The following CSMD3 variants were observed in gnomAD, a reference collection of about 807,000 sequenced individuals.
CSMD3 encodes CUB and sushi domain-containing protein 3.
A neutral mutation model predicts 435.2 loss-of-function variants in CSMD3; 177 were observed. The observed-to-expected ratio is 0.41, with a 90% CI of 0.36 to 0.46. The LOEUF is 0.46. Among genes scored for constraint, CSMD3 ranks in the 20% least tolerant of loss-of-function variants. The pLI is 0.34. For missense variants in CSMD3, 4,265 were observed against 4,504.6 expected, an observed-to-expected ratio of 0.95 and a Z score of 1.52; for synonymous variants, 1,656 against 1,520.5, an observed-to-expected ratio of 1.09 and a Z score of -2.07.
intron 22 of CSMD3, among the ~76,000 whole-genome samples, chr8:112,597,295 C>T (rs1403960381): frequency 1.3e-5 from 2 of 152,112 alleles, no homozygotes. Flanking sequence ...TCAACATATA[C>T]ACCCTCCCAA....
At chr8:112,539,844 A>G (rs974104071) in intron 27 of CSMD3, among the ~76,000 whole-genome samples, 1 of 152,096 alleles carries the variant, frequency 6.6e-6, no homozygotes, top group Non-Finnish European at 1.5e-5. Flanking sequence ...GTTCTGGCAA[A>G]TATTTTTTGC....
chr8:112,675,992 T>A (rs1275604335), intron 16 of CSMD3, among the ~76,000 whole-genome samples: 2 of 151,708 alleles, frequency 1.3e-5, no homozygotes, highest in East Asian at 3.9e-4. Context: ...AAGAAAGGAG[T>A]CAGGAAAGAT....
intron 23 of CSMD3, among the ~76,000 whole-genome samples, chr8:112,577,267 A>G (rs1214767393): frequency 6.6e-6 from 1 of 152,108 alleles, no homozygotes; most frequent in Non-Finnish European, 1.5e-5. Context: ...AAAGGCAACA[A>G]AGGGAGAAAG....
intron 27 of CSMD3, among the ~76,000 whole-genome samples, chr8:112,527,130 C>A (rs2131049496): frequency 6.6e-6 from 1 of 151,784 alleles, no homozygotes; most frequent in Non-Finnish European, 1.5e-5. Flanking sequence ...TATAAGTAGT[C>A]TAATGGTTAA....
intron 5 of CSMD3, among the ~76,000 whole-genome samples, chr8:113,024,440 CT>C (rs1332599272): frequency 2.6e-5 from 4 of 151,906 alleles, no homozygotes; most frequent in Admixed American, 1.3e-4. Context: ...GTTCTTCAAC[CT>C]ATTAACTTCA....
At position 112,300,015 on chromosome 8, in the gene CSMD3, G is replaced by C. The variant is rs548038638; in HGVS notation, c.8440+1778C>G. 2.3e-3 allele frequency among the ~76,000 whole-genome samples: 351 copies of C among 149,982 alleles called. 3 individuals are homozygous for C. The highest frequency in any genetic ancestry group is 8.2e-3 in the African/African-American group (336 of 41,038). The stretch of plus-strand genomic sequence containing the variant: ...TAATACACAATAACAATTCATGAGA[G>C]CACATGGCCATAAAATATAGTATTT... On this transcript the variant is annotated intron_variant, in intron 53 of 70. Coordinates refer to ENST00000297405, the MANE Select transcript of CSMD3 (RefSeq NM_198123.2).
At chr8:112,257,564 GA>G (rs1223739822) in intron 61 of CSMD3, among the ~76,000 whole-genome samples, 1 of 152,042 alleles carries the variant, frequency 6.6e-6, no homozygotes, top group Non-Finnish European at 1.5e-5. Flanking sequence ...CCTAGGAATA[GA>G]ACTTACAAGG....
intron 19 of CSMD3, among the ~76,000 whole-genome samples, chr8:112,648,998 T>A (rs2075054573): frequency 6.6e-6 from 1 of 152,202 alleles, no homozygotes; most frequent in Admixed American, 6.5e-5. Context: ...GGAAGAGCTC[T>A]CCTTCCTCTC....
chr8:112,791,964 C>A (rs1228742451), intron 13 of CSMD3, among the ~76,000 whole-genome samples: 2 of 152,136 alleles, frequency 1.3e-5, no homozygotes, highest in Admixed American at 1.3e-4. Context: ...ACCTTAATAA[C>A]AATGATGTTG....
chr8:112,416,765 G>A (rs1352871970), intron 32 of CSMD3, among the ~76,000 whole-genome samples: 1 of 151,784 alleles, frequency 6.6e-6, no homozygotes, highest in Non-Finnish European at 1.5e-5. Context: ...TTTCTCAGAG[G>A]GGAATAATTC....
At chr8:112,500,070 C>T (rs552236633) in intron 30 of CSMD3, among the ~76,000 whole-genome samples, 1 of 152,158 alleles carries the variant, frequency 6.6e-6, no homozygotes, top group South Asian at 2.1e-4. Context: ...GATCGCACCA[C>T]TGCACCCCAG....
intron 13 of CSMD3, among the ~76,000 whole-genome samples, chr8:112,796,237 T>C (rs546390948): frequency 6.6e-6 from 1 of 152,266 alleles, no homozygotes; most frequent in Non-Finnish European, 1.5e-5. Flanking sequence ...GTTGCAACTA[T>C]ATTCTGCAAT....
chr8:112,594,746 T>C (rs982833703), intron 22 of CSMD3, among the ~76,000 whole-genome samples: 105 of 152,136 alleles, frequency 6.9e-4, no homozygotes, highest in African/African-American at 2.2e-3. Context: ...CACCCCCCAG[T>C]AGGGGCACAC....
intron 1 of CSMD3, among the ~76,000 whole-genome samples, chr8:113,399,883 T>C (rs915277084): frequency 1.3e-5 from 2 of 152,020 alleles, no homozygotes; most frequent in Admixed American, 1.3e-4. Context: ...AAAAGTGATT[T>C]ATACTCCTTT....
intron 13 of CSMD3, among the ~76,000 whole-genome samples, chr8:112,760,694 A>G (rs998482185): frequency 2.0e-5 from 3 of 152,158 alleles, no homozygotes; most frequent in African/African-American, 7.2e-5. Context: ...TTTAAAAGCA[A>G]TTTGTAATTA....
chr8:112,736,171 C>T (rs1371346577), intron 13 of CSMD3, among the ~76,000 whole-genome samples: 1 of 152,048 alleles, frequency 6.6e-6, no homozygotes, highest in East Asian at 1.9e-4. Context: ...TAGTTAAATG[C>T]CAACTTCCTT....
chr8:112,723,388 CA>C (rs1161138370), intron 13 of CSMD3, among the ~76,000 whole-genome samples: 2 of 152,008 alleles, frequency 1.3e-5, no homozygotes, highest in Admixed American at 1.3e-4. Context: ...TATTTGAAAC[CA>C]GTTCTTGTGG....
chr8:112,931,862 C>T (rs2083120144), intron 9 of CSMD3, among the ~76,000 whole-genome samples: 1 of 152,150 alleles, frequency 6.6e-6, no homozygotes, highest in South Asian at 2.1e-4. Flanking sequence ...CATCACTAAT[C>T]ATCAGAGAAA....
At chr8:112,826,330 C>T (rs921036877) in intron 12 of CSMD3, among the ~76,000 whole-genome samples, 1 of 152,146 alleles carries the variant, frequency 6.6e-6, no homozygotes, top group Admixed American at 6.5e-5. Context: ...ACTTAGACAA[C>T]AGGCAGCCAC....
Sources: gnomAD v4.1 joint callset for allele counts (sites outside exome capture counted in the v4.1 genomes callset) on GRCh38, gnomAD v4.1.1 for gene constraint, MANE v1.5 for transcripts, NCBI Gene and HGNC (gene_info 2026-07-23, HGNC 2026-07-21) for gene names.